The following URB1 variants were observed in gnomAD, a reference collection of about 807,000 sequenced individuals.
The protein encoded by URB1 is nucleolar pre-ribosomal-associated protein 1.
In URB1, 197 loss-of-function variants were observed where a neutral mutation model predicts 242.3. The observed-to-expected ratio is 0.81, with a 90% CI of 0.72 to 0.91. The LOEUF (loss-of-function observed/expected upper bound fraction) is 0.91, where lower values mean the gene tolerates loss of function less well. Among genes scored for constraint, URB1 ranks in the 40% least tolerant of loss-of-function variants. The pLI is 0.00. For missense variants in URB1, 2,721 were observed against 2,860.5 expected (o/e 0.95, Z 1.11); for synonymous variants, 1,153 against 1,201.8 (o/e 0.96, Z 0.84).
At chr21:32,328,293 A>T (rs2032853710) in intron 30 of URB1, among the ~76,000 whole-genome samples, 1 of 152,190 alleles carries the variant, frequency 6.6e-6, no homozygotes, top group Non-Finnish European at 1.5e-5. Context: ...ATGTGCCACC[A>T]TGCCCAGCTA....
At chr21:32,320,696 T>A in intron 34 of URB1, 56 bp from the exon 35 acceptor site, 1 of 1,270,104 alleles carries the variant, frequency 7.9e-7, no homozygotes, top group Non-Finnish European at 1.1e-6. Flanking sequence ...TTTACTTGAT[T>A]AAAGAAACCG....
At chr21:32,362,161 G>C in intron 11 of URB1, 140 bp from the exon 12 acceptor site, 1 of 1,157,148 alleles carries the variant, frequency 8.6e-7, no homozygotes, top group Non-Finnish European at 1.2e-6. Flanking sequence ...AGAGGGAAGA[G>C]TGGTGAGAAA....
Position 32,320,578 on chromosome 21 carries a change from TATG to T in URB1, c.5544_5546del (p.Ile1849del). On this transcript the variant is annotated inframe_deletion, in exon 35 of 39. Transcript: ENST00000382751. ...TCCATGTTAAAAGGCTATAGTCTCG[TATG>T]ATTTCATACGCAGATCTGGCAACCT... 2 of 1,552,030 alleles carry T rather than the reference TATG, an allele frequency of 1.3e-6. No homozygotes were observed. Among genetic ancestry groups the T allele is most frequent in the South Asian group, 1.2e-5 (1 of 84,068 alleles).
At chr21:32,362,102 C>A in intron 11 of URB1, 81 bp from the exon 12 acceptor site, 10 of 1,483,044 alleles carry the variant, frequency 6.7e-6, no homozygotes, top group East Asian at 2.5e-5. Context: ...TAACAAGATG[C>A]AAAAAACAGG....
At chr21:32,334,396 G>C in intron 28 of URB1, 62 bp from the exon 29 acceptor site, 4 of 1,482,462 alleles carry the variant, frequency 2.7e-6, no homozygotes, top group Non-Finnish European at 3.6e-6. Flanking sequence ...AATTAATCAT[G>C]ATAACAACAA....
At chr21:32,383,879 T>TC (rs1255623393) in intron 3 of URB1, among the ~76,000 whole-genome samples, 1 of 152,170 alleles carries the variant, frequency 6.6e-6, no homozygotes, top group Non-Finnish European at 1.5e-5. Context: ...GAGGACGACT[T>TC]CTTCACAAAG....
rs2032967810 is a variant in URB1, at chr21:32,337,077, T to A, written c.4685+17A>T. 3.9e-6 allele frequency: 6 copies of A among 1,551,068 alleles called. No individual in the cohort carries two copies. The highest frequency in any genetic ancestry group is 5.2e-6 in the Non-Finnish European group (6 of 1,146,438). ...CTGTGACCTCAAGGCCTAGTCTACC[T>A]CTAGCCCAACACTCACCTGAAGTTG... On this transcript the variant is annotated intron_variant, in intron 28 of 38. Coordinates refer to ENST00000382751, the MANE Select transcript of URB1 (RefSeq NM_014825.3).
chr21:32,319,049 TCTGACACTACCTACAC>T (rs1316025450), intron 36 of URB1, among the ~76,000 whole-genome samples, 152 bp downstream of exon 36: 2 of 152,156 alleles, frequency 1.3e-5, no homozygotes, highest in African/African-American at 4.8e-5. Context: ...AAATAGATGT[TCTGACACTACCTACAC>T]CTGACACTGG....
intron 1 of URB1, 130 bp downstream of exon 1, chr21:32,392,639 C>T (rs988833695): frequency 2.7e-5 from 33 of 1,234,372 alleles, no homozygotes; most frequent in Non-Finnish European, 3.2e-5. Flanking sequence ...CCTCAGTTTT[C>T]TGCAAACCAG....
At chr21:32,390,999 C>G (rs1256695606) in intron 1 of URB1, among the ~76,000 whole-genome samples, 1 of 152,120 alleles carries the variant, frequency 6.6e-6, no homozygotes, top group Non-Finnish European at 1.5e-5. Flanking sequence ...TGGATTAAGA[C>G]AATGTGGCAC....
chr21:32,316,828 CCTGGCGCATCGCTCTCGGGG>C lies in URB1; in HGVS notation c.6252_6271del (p.Ser2084ArgfsTer36), dbSNP rs1188341023. On this transcript the variant is annotated frameshift_variant, in exon 38 of 39. Coordinates refer to ENST00000382751, the MANE Select transcript of URB1 (RefSeq NM_014825.3). LOFTEE classifies it high-confidence loss of function. ...CAGGGAAGCGGCAGCATATACGGGG[CCTGGCGCATCGCTCTCGGGG>C]CTGGCTGAGTCCACAGGCTCCTGAG... The C allele has an allele frequency of 7.1e-6, 11 of 1,547,468 alleles. No individual in the cohort carries two copies. In the African/African-American group the frequency reaches 1.2e-4, roughly 17 times the overall value.
chr21:32,385,875 G>C (rs568242203), intron 1 of URB1, among the ~76,000 whole-genome samples, 191 bp from the exon 2 acceptor site: 146 of 152,210 alleles, frequency 9.6e-4, no homozygotes, highest in African/African-American at 3.5e-3. Flanking sequence ...AACCCGGCCG[G>C]GCGCGGTGGC....
chr21:32,320,577 G>A lies in URB1; in HGVS notation c.5548C>T (p.Arg1850Ter), dbSNP rs576384218. Residue 1850 changes from arginine to a stop codon, truncating the protein, a stop_gained, in exon 35 of 39, where the codon CGA (arginine) becomes TGA (stop). Coordinates refer to ENST00000382751, the MANE Select transcript of URB1 (RefSeq NM_014825.3). LOFTEE classifies it high-confidence loss of function. Reference sequence around the variant, plus strand: ...ATCCATGTTAAAAGGCTATAGTCTCGTATGATTTCATACGCAGATCTGGCA... The same window carrying A: ...ATCCATGTTAAAAGGCTATAGTCTCATATGATTTCATACGCAGATCTGGCA... ...QVARSAYEII[R>*]DYSLLTWILH... is the part of the protein sequence containing the mutation. 46 of 1,551,792 alleles carry A rather than the reference G, an allele frequency of 3.0e-5. No homozygotes were observed. Among genetic ancestry groups the A allele is most frequent in the South Asian group, 1.2e-4 (10 of 84,062 alleles).
In URB1 at chr21:32,361,038, C is replaced by A. The variant is rs1257931436; in HGVS notation, c.1725G>T (p.Gln575His). The change falls in exon 13 of 39, where the codon CAG becomes CAT. Residue 575 changes from glutamine to histidine, a missense_variant. Transcript: ENST00000382751. Reference protein sequence around the residue: ...YQKVVPHVVMQYNFDFSKLLK... With the variant: ...YQKVVPHVVMHYNFDFSKLLK... ...GGAGCTTGCTGAAGTCAAAGTTGTA[C>A]TGCATGACCACGTGGGGGACCACCT... 1 of 1,550,878 alleles carries A rather than the reference C, an allele frequency of 6.4e-7. No homozygotes were observed. The highest frequency in any genetic ancestry group is 8.7e-7 in the Non-Finnish European group (1 of 1,146,800).
intron 8 of URB1, among the ~76,000 whole-genome samples, chr21:32,370,573 C>T (rs2033395473): frequency 2.0e-5 from 3 of 152,194 alleles, no homozygotes; most frequent in Admixed American, 2.0e-4. Context: ...GCGACAGGCA[C>T]TACTTTTATT....
At chr21:32,363,812 C>T (rs1273330369) in intron 10 of URB1, among the ~76,000 whole-genome samples, 1 of 152,114 alleles carries the variant, frequency 6.6e-6, no homozygotes, top group African/African-American at 2.4e-5. Flanking sequence ...TAGGCACCTA[C>T]TGCTTCTGGC....
At chr21:32,359,078 T>C (rs1379429072) in intron 14 of URB1, among the ~76,000 whole-genome samples, 1 of 152,232 alleles carries the variant, frequency 6.6e-6, no homozygotes, top group Non-Finnish European at 1.5e-5. Context: ...TCTTAAGTCT[T>C]CCTGGAAATG....
At chr21:32,349,185 T>C in intron 21 of URB1, 119 bp downstream of exon 21, 1 of 1,323,928 alleles carries the variant, frequency 7.6e-7, no homozygotes, top group Non-Finnish European at 1.0e-6. Context: ...ATCTCTGCTG[T>C]AGTTTCTGCA....
In URB1 at chr21:32,341,508, A is replaced by C. The variant is rs2033029146; in HGVS notation, c.4274T>G (p.Val1425Gly). 3.9e-6 allele frequency: 6 copies of C among 1,551,608 alleles called. No individual in the cohort carries two copies. The East Asian group carries it at 1.2e-4, about 32-fold the overall frequency. ...GAATTTCTGCCAGTCACCAGGATCA[A>C]CTTCATTAAGTGCATGCTATGAATA... is the stretch of plus-strand genomic sequence containing the variant. ...LNALLHALNE[V>G]DPGDWQKFVK... The change falls in exon 25 of 39, where the codon GTT (valine) becomes GGT (glycine). Residue 1425 changes from valine (V) to glycine (G), a missense_variant. Val to Gly is a moderately radical substitution (Grantham distance 109). Coordinates refer to ENST00000382751, the MANE Select transcript of URB1 (RefSeq NM_014825.3).
Sources: allele counts gnomAD v4.1 joint callset (sites outside exome capture counted in the v4.1 genomes callset), GRCh38; gene constraint gnomAD v4.1.1; transcripts MANE v1.5; gene names NCBI Gene and HGNC (gene_info 2026-07-23, HGNC 2026-07-21).